Variants in AGBL1 observed in about 807,000 individuals in gnomAD.
AGBL1 encodes cytosolic carboxypeptidase 4.
AGBL1 carries 130 observed loss-of-function variants against 118.9 expected under a neutral mutation model. That is an observed-to-expected ratio of 1.09 (90% confidence interval 0.95 to 1.26). The LOEUF (loss-of-function observed/expected upper bound fraction) is 1.26, where lower values mean the gene tolerates loss of function less well. Ranked by LOEUF, AGBL1 falls within the 50% of genes most tolerant of loss-of-function variation. The pLI is 0.00. For missense variants in AGBL1, 1,584 were observed against 1,298.1 expected (o/e 1.22, Z -3.38); for synonymous variants, 555 against 478.9 (o/e 1.16, Z -2.08).
At chr15:86,476,971 C>A (rs546635772) in intron 18 of AGBL1, among the ~76,000 whole-genome samples, 1 of 152,204 alleles carries the variant, frequency 6.6e-6, no homozygotes, top group South Asian at 2.1e-4. Flanking sequence ...CAACCTGCTC[C>A]TGAATGACTA....
At chr15:86,233,724 A>G (rs1329686271) in intron 6 of AGBL1, among the ~76,000 whole-genome samples, 2 of 152,236 alleles carry the variant, frequency 1.3e-5, no homozygotes, top group African/African-American at 4.8e-5. Context: ...GAACTAGTGA[A>G]GTTTGACCTG....
chr15:86,400,330 A>G (rs536761977), intron 18 of AGBL1, among the ~76,000 whole-genome samples: 7 of 151,956 alleles, frequency 4.6e-5, no homozygotes, highest in African/African-American at 1.2e-4. Flanking sequence ...GTTCTCTCCA[A>G]CCTTGATGCA....
At chr15:86,414,922 A>C (rs997181946) in intron 18 of AGBL1, among the ~76,000 whole-genome samples, 1 of 152,188 alleles carries the variant, frequency 6.6e-6, no homozygotes, top group Admixed American at 6.5e-5. Flanking sequence ...GAAACTTGTC[A>C]TAGGTTGGGT....
intron 18 of AGBL1, among the ~76,000 whole-genome samples, chr15:86,400,809 G>GAT (rs138525923): frequency 0.02 from 2,964 of 150,536 alleles, 80 homozygotes; most frequent in African/African-American, 0.063. Flanking sequence ...ATGCCATGCT[G>GAT]ATATATATAT....
intron 21 of AGBL1, among the ~76,000 whole-genome samples, chr15:86,579,552 G>A (rs992246149): frequency 3.3e-5 from 5 of 152,138 alleles, no homozygotes; most frequent in African/African-American, 1.2e-4. Flanking sequence ...TGATTTTTGG[G>A]CACTTATTGG....
chr15:86,417,511 AG>A (rs1030123011), intron 18 of AGBL1, among the ~76,000 whole-genome samples: 3 of 152,380 alleles, frequency 2.0e-5, no homozygotes, highest in Admixed American at 6.5e-5. Flanking sequence ...AACATTGAAC[AG>A]AGCAAGCTGT....
chr15:86,130,771 G>C (rs910652764), intron 1 of AGBL1, among the ~76,000 whole-genome samples: 9 of 151,964 alleles, frequency 5.9e-5, no homozygotes, highest in Non-Finnish European at 7.4e-5. Context: ...CACTATTGCT[G>C]GTAAGAAATT....
chr15:86,755,450 G>T (rs555857839), intron 22 of AGBL1, among the ~76,000 whole-genome samples: 5 of 152,202 alleles, frequency 3.3e-5, no homozygotes, highest in Admixed American at 6.5e-5. Context: ...AAGTTAAAAT[G>T]CCAGGAACAA....
At chr15:86,121,433 G>T (rs1228350190) in intron 1 of AGBL1, among the ~76,000 whole-genome samples, 1 of 152,172 alleles carries the variant, frequency 6.6e-6, no homozygotes, top group East Asian at 1.9e-4. Context: ...AAATCACAAA[G>T]AAATAGGTCT....
At chr15:86,853,143 T>C (rs534541427) in intron 22 of AGBL1, among the ~76,000 whole-genome samples, 21 of 152,334 alleles carry the variant, frequency 1.4e-4, no homozygotes, top group African/African-American at 4.6e-4. Context: ...ACTCCCCAGA[T>C]GACCAGTCAA....
chr15:86,652,221 C>T (rs1417243328), intron 21 of AGBL1, among the ~76,000 whole-genome samples: 1 of 152,090 alleles, frequency 6.6e-6, no homozygotes, highest in Non-Finnish European at 1.5e-5. Flanking sequence ...CACCAGTTCT[C>T]CTCATGTTCT....
intron 21 of AGBL1, among the ~76,000 whole-genome samples, chr15:86,668,153 C>G (rs1310166875): frequency 6.6e-6 from 1 of 152,182 alleles, no homozygotes; most frequent in African/African-American, 2.4e-5. Context: ...CTCCATGAAC[C>G]AAACACCTCC....
At chr15:86,666,924 C>T (rs1018730013) in intron 21 of AGBL1, among the ~76,000 whole-genome samples, 2 of 152,118 alleles carry the variant, frequency 1.3e-5, no homozygotes, top group Admixed American at 1.3e-4. Flanking sequence ...CCTGTGTTTA[C>T]ACACACCATG....
chr15:86,761,610 A>G (rs111588811), intron 22 of AGBL1, among the ~76,000 whole-genome samples: 5 of 152,206 alleles, frequency 3.3e-5, no homozygotes, highest in African/African-American at 1.2e-4. Flanking sequence ...CTCAACTGCA[A>G]TGAAATTTGG....
chr15:86,670,099 T>G (rs2085714663), intron 21 of AGBL1, among the ~76,000 whole-genome samples: 1 of 152,194 alleles, frequency 6.6e-6, no homozygotes, highest in South Asian at 2.1e-4. Flanking sequence ...AAATTTGGAT[T>G]ATTATATATA....
intron 18 of AGBL1, among the ~76,000 whole-genome samples, chr15:86,426,369 A>G (rs181174417): frequency 2.7e-3 from 408 of 152,326 alleles, no homozygotes; most frequent in African/African-American, 9.0e-3. Flanking sequence ...CTCTTTTCCC[A>G]GGTCTGTCAA....
At chr15:86,818,078 A>G (rs1052679942) in intron 22 of AGBL1, among the ~76,000 whole-genome samples, 22 of 151,994 alleles carry the variant, frequency 1.4e-4, no homozygotes, top group African/African-American at 5.3e-4. Flanking sequence ...CTATTAAATA[A>G]GGCAAGTTTG....
intron 18 of AGBL1, among the ~76,000 whole-genome samples, chr15:86,450,121 A>G (rs973827842): frequency 2.6e-5 from 4 of 152,062 alleles, no homozygotes; most frequent in Admixed American, 2.6e-4. Flanking sequence ...TCATGTCTCT[A>G]TTTATCTAGA....
rs558501676 is a variant in AGBL1, at chr15:86,459,098, C to G, written c.2555+61552C>G. ...CAAGAAACTAGAAGTTTCTGCTTCT[C>G]TCTGGCTTATATTCACACGTGTTGA... On this transcript the variant is annotated intron_variant, in intron 18 of 22. Coordinates refer to ENST00000614907, the MANE Select transcript of AGBL1 (RefSeq NM_001386094.1). Among the ~76,000 whole-genome samples, 14 of 152,264 alleles carry G rather than the reference C, an allele frequency of 9.2e-5. No individual in the cohort carries two copies. The South Asian group carries it at 2.9e-3, about 32-fold the overall frequency.
Sources: allele counts gnomAD v4.1 joint callset (sites outside exome capture counted in the v4.1 genomes callset), GRCh38; gene constraint gnomAD v4.1.1; transcripts MANE v1.5; gene names NCBI Gene and HGNC (gene_info 2026-07-23, HGNC 2026-07-21).